ZGRF1: variants seen among roughly 807,000 people sequenced by gnomAD.
The protein encoded by ZGRF1 is zinc finger GRF-type containing 1.
ZGRF1 carries 196 observed loss-of-function variants against 203.5 expected under a neutral mutation model. The ratio of observed to expected loss-of-function variants is 0.96; its 90% CI spans 0.86 to 1.08. The LOEUF (loss-of-function observed/expected upper bound fraction) is 1.08, where lower values mean the gene tolerates loss of function less well. Among genes scored for constraint, ZGRF1 ranks in the 50% least tolerant of loss-of-function variants. The pLI is 0.00. For missense variants in ZGRF1, 2,326 were observed against 2,416.3 expected (o/e 0.96, Z 0.78); for synonymous variants, 809 against 841.3 (o/e 0.96, Z 0.66).
At chr4:112,635,129 CA>C (rs34823978) in intron 1 of ZGRF1, among the ~76,000 whole-genome samples, 1,004 of 89,060 alleles carry the variant, frequency 0.011, 23 homozygotes, top group East Asian at 0.11. Flanking sequence ...GACTCCATCT[CA>C]AAAAAAAAAA....
rs988724105 is a variant in ZGRF1, at chr4:112,617,932, G to C, written c.2110C>G (p.Leu704Val). Residue 704 changes from leucine (L) to valine (V), a missense_variant, in exon 6 of 28, where the codon CTA (leucine) becomes GTA (valine). Leu to Val is a conservative substitution (Grantham distance 32, BLOSUM62 1). Transcript: ENST00000505019. ...IQNQIAENSN[L>V]FSEDAQPQPF... is the part of the protein sequence containing the mutation. ...TGAGGTTGAGCATCTTCTGAAAATA[G>C]ATTACTGTTTTCAGCAATCTGGTTT... The C allele has an allele frequency of 6.2e-7, 1 of 1,613,518 alleles. No homozygotes were observed. Among genetic ancestry groups the C allele is most frequent in the Admixed American group, 1.7e-5 (1 of 60,012 alleles).
At chr4:112,603,843 G>C (rs1750352112) in intron 9 of ZGRF1, 146 bp from the exon 10 acceptor site, 1 of 549,466 alleles carries the variant, frequency 1.8e-6, no homozygotes, top group Non-Finnish European at 3.1e-6. Context: ...TGAAAACCGG[G>C]AAATTCTCCT....
chr4:112,584,058 A>C lies in ZGRF1; in HGVS notation c.4218T>G (p.Val1406=). 1 of 1,613,736 alleles carries C rather than the reference A, an allele frequency of 6.2e-7. No individual in the cohort carries two copies. The highest frequency in any genetic ancestry group is 8.5e-7 in the Non-Finnish European group (1 of 1,179,740). ...AGCCAATACTCTTAATATCACTTAA[A>C]ACCATGCCAGGTCGAGCTCCTTCCT... ...STQEGARPGM[V]LSDIKSIGLY... Residue 1406 remains valine, a synonymous_variant, in exon 15 of 28, where the codon GTT becomes GTG. Transcript: ENST00000505019.
rs774217525 is a variant in ZGRF1 at position 112,618,869 on chromosome 4, G to A, written c.1173C>T (p.Val391=). The A allele has an allele frequency of 8.1e-6, 13 of 1,612,996 alleles. No homozygotes were observed. Among genetic ancestry groups the A allele is most frequent in the African/African-American group, 4.0e-5 (3 of 74,852 alleles). The change falls in exon 6 of 28, where the codon GTC becomes GTT. Residue 391 remains valine, a synonymous_variant. Coordinates refer to ENST00000505019, the MANE Select transcript of ZGRF1 (RefSeq NM_018392.5). ...ERKKYNVDQS[V]GNNDPSWNQE... is the part of the protein sequence containing the mutation. Reference sequence around the variant, plus strand: ...GATTCCAGGATGGATCATTATTACCGACTGACTGGTCTACATTATACTTTT... The same window carrying A: ...GATTCCAGGATGGATCATTATTACCAACTGACTGGTCTACATTATACTTTT...
intron 6 of ZGRF1, among the ~76,000 whole-genome samples, chr4:112,613,495 C>T (rs2046764747): frequency 6.6e-6 from 1 of 151,750 alleles, no homozygotes; most frequent in African/African-American, 2.4e-5. Flanking sequence ...AAAAGACAAA[C>T]AAATAACTAA....
Position 112,619,528 on chromosome 4 carries a change from T to C in ZGRF1, c.514A>G (p.Ile172Val), listed in dbSNP as rs770238851. ...PTVGKKDVNNILADPENIVTY... is the reference protein window; with the variant it reads ...PTVGKKDVNNVLADPENIVTY... ...ACAATGTTCTCAGGGTCTGCCAGTATATTATTTACATCTTTCTTGCCAACA... is the reference window on the plus strand; with the variant it reads ...ACAATGTTCTCAGGGTCTGCCAGTACATTATTTACATCTTTCTTGCCAACA... The change falls in exon 6 of 28, where the codon ATA (isoleucine) becomes GTA (valine). Residue 172 changes from isoleucine to valine, a missense_variant. Ile to Val is a conservative substitution (Grantham distance 29). Coordinates refer to ENST00000505019, the MANE Select transcript of ZGRF1 (RefSeq NM_018392.5). 1 of 1,614,092 alleles carries C rather than the reference T, an allele frequency of 6.2e-7. No individual in the cohort carries two copies. Among genetic ancestry groups the C allele is most frequent in the Admixed American group, 1.7e-5 (1 of 60,018 alleles).
chr4:112,629,239 T>C (rs773034076), intron 3 of ZGRF1, among the ~76,000 whole-genome samples: 2 of 152,244 alleles, frequency 1.3e-5, no homozygotes, highest in African/African-American at 4.8e-5. Context: ...AACGTGAAAG[T>C]ACCCTGTAAC....
chr4:112,606,081 G>T lies in ZGRF1; in HGVS notation c.2729C>A (p.Ser910Ter). 7 of 1,585,364 alleles carry T rather than the reference G, an allele frequency of 4.4e-6. No homozygotes were observed. Among genetic ancestry groups the T allele is most frequent in the Non-Finnish European group, 6.0e-6 (7 of 1,160,528 alleles). The change falls in exon 9 of 28, where the codon TCG becomes TAG. Residue 910 changes from serine (S) to a stop codon, truncating the protein, a stop_gained. Transcript: ENST00000505019. LOFTEE classifies it high-confidence loss of function. ...EPLQSVQFSS[S>*]GSKEETAFQA... ...AAAAGCAGTCTCTTCTTTACTTCCC[G>T]AGGAAGAGAACTAGGATAAAATATG... is the stretch of plus-strand genomic sequence containing the variant.
chr4:112,605,317 C>G (rs928151343), intron 9 of ZGRF1, among the ~76,000 whole-genome samples: 2 of 152,116 alleles, frequency 1.3e-5, no homozygotes, highest in Non-Finnish European at 2.9e-5. Context: ...TGTACCACCA[C>G]ACCCAGCTAG....
chr4:112,624,991 C>T (rs937046579), intron 3 of ZGRF1, among the ~76,000 whole-genome samples: 5 of 152,082 alleles, frequency 3.3e-5, no homozygotes, highest in African/African-American at 4.8e-5. Context: ...TAAAACATGA[C>T]GTATTGGGCT....
Position 112,563,784 on chromosome 4 carries a change from TA to T in ZGRF1, c.4439-511del, listed in dbSNP as rs552187455. ...TATTTCTCATAGCAGTTCTGGAAGC[TA>T]AAAAGCCCAAGATCAAGGTGCCAGC... On this transcript the variant is annotated intron_variant, in intron 16 of 27. Coordinates refer to ENST00000505019, the MANE Select transcript of ZGRF1 (RefSeq NM_018392.5). Among the ~76,000 whole-genome samples the T allele has an allele frequency of 9.1e-4, 138 of 152,284 alleles. 1 individual carries two copies. In the South Asian group the frequency reaches 0.027, roughly 30 times the overall value.
intron 7 of ZGRF1, 125 bp from the exon 8 acceptor site, chr4:112,609,554 C>G (rs190392753): frequency 0.03 from 10,013 of 330,586 alleles, 250 homozygotes; most frequent in Non-Finnish European, 0.04. Flanking sequence ...ACCTGTAATC[C>G]CAGCACTCTG....
intron 4 of ZGRF1, among the ~76,000 whole-genome samples, chr4:112,623,492 T>C (rs1248345062): frequency 1.3e-5 from 2 of 152,186 alleles, no homozygotes; most frequent in African/African-American, 4.8e-5. Flanking sequence ...AAAAATCATG[T>C]AGTAGAATTA....
chr4:112,555,293 T>A (rs147468381), intron 20 of ZGRF1, among the ~76,000 whole-genome samples: 1 of 152,168 alleles, frequency 6.6e-6, no homozygotes, highest in African/African-American at 2.4e-5. Context: ...ATCCCCCAGT[T>A]AGGGCTTTGT....
chr4:112,599,983 TA>T (rs1236344592), intron 10 of ZGRF1, among the ~76,000 whole-genome samples: 1 of 152,160 alleles, frequency 6.6e-6, no homozygotes, highest in East Asian at 1.9e-4. Context: ...ATGTGAAATG[TA>T]AATTAATAAA....
chr4:112,587,264 C>CGGTA lies in ZGRF1; in HGVS notation c.3777+12_3777+15dup, dbSNP rs745500664. The CGGTA allele has an allele frequency of 6.3e-7, 1 of 1,577,180 alleles. No individual in the cohort carries two copies. Reference sequence around the variant, plus strand: ...CTATTGGAAAAATGCACCACAAGACCGGTACATTTCCTCACCTGTAAATCC... The same window carrying CGGTA: ...CTATTGGAAAAATGCACCACAAGACCGGTAGGTACATTTCCTCACCTGTAAATCC... On this transcript the variant is annotated intron_variant, in intron 12 of 27. Transcript: ENST00000505019.
At chr4:112,621,514 G>A (rs1362426627) in intron 4 of ZGRF1, among the ~76,000 whole-genome samples, 1 of 151,680 alleles carries the variant, frequency 6.6e-6, no homozygotes, top group Non-Finnish European at 1.5e-5. Context: ...TTAGCCGGGT[G>A]TGGTGGTGCA....
intron 20 of ZGRF1, among the ~76,000 whole-genome samples, chr4:112,555,308 A>G (rs1740735771): frequency 1.3e-5 from 2 of 152,098 alleles, no homozygotes; most frequent in Non-Finnish European, 2.9e-5. Flanking sequence ...CTTTGTGAGG[A>G]AGGACCCCTC....
chr4:112,551,844 ATTATG>A (rs1387275687), intron 22 of ZGRF1, among the ~76,000 whole-genome samples: 1 of 127,050 alleles, frequency 7.9e-6, no homozygotes, highest in Non-Finnish European at 1.8e-5. Flanking sequence ...TCTTTAAAAA[ATTATG>A]TTATCTTTTT....
Sources: allele counts gnomAD v4.1 joint callset (sites outside exome capture counted in the v4.1 genomes callset), GRCh38; gene constraint gnomAD v4.1.1; transcripts MANE v1.5; gene names NCBI Gene and HGNC (gene_info 2026-07-23, HGNC 2026-07-21).